ATXN1: variants seen among roughly 807,000 people sequenced by gnomAD.
The protein encoded by ATXN1 is ataxin-1.
In ATXN1, 8 loss-of-function variants were observed where a neutral mutation model predicts 56.4. The observed-to-expected ratio is 0.14, with a 90% CI of 0.08 to 0.26. ATXN1 has a LOEUF of 0.26. Ranked by LOEUF, ATXN1 falls within the 10% of genes least tolerant of loss-of-function variation. ATXN1 has a pLI of 1.00. For missense variants in ATXN1, 987 were observed against 1,106.5 expected, an observed-to-expected ratio of 0.89 and a Z score of 1.53; for synonymous variants, 514 against 494.6, an observed-to-expected ratio of 1.04 and a Z score of -0.52.
Position 16,442,028 on chromosome 6 carries a change from G to C in ATXN1, c.-161+43944C>G, listed in dbSNP as rs571753711. 9.2e-5 allele frequency among the ~76,000 whole-genome samples: 14 copies of C among 152,240 alleles called. No individual in the cohort carries two copies. In the South Asian group the frequency reaches 2.9e-3, roughly 32 times the overall value. On this transcript the variant is annotated intron_variant, in intron 6 of 7. Coordinates refer to ENST00000436367, the MANE Select transcript of ATXN1 (RefSeq NM_001128164.2). ...ACTATATATTGACAGAATACTCCAT[G>C]CACCTGGAAAAACTGACCTAGGAAA...
At chr6:16,396,013 CAAAAAAAAAAAA>C (rs59358244) in intron 6 of ATXN1, among the ~76,000 whole-genome samples, 14 of 42,240 alleles carry the variant, frequency 3.3e-4, no homozygotes, top group East Asian at 2.0e-3. Flanking sequence ...GACTCCGTCT[CAAAAAAAAAAAA>C]AAAAAAAAAA....
intron 2 of ATXN1, among the ~76,000 whole-genome samples, chr6:16,736,367 T>G (rs1466453259): frequency 2.6e-5 from 4 of 152,230 alleles, no homozygotes; most frequent in African/African-American, 7.2e-5. Flanking sequence ...TTCAGTGTAT[T>G]TATTGGGCAT....
intron 6 of ATXN1, among the ~76,000 whole-genome samples, chr6:16,450,438 G>T (rs1759731748): frequency 6.6e-6 from 1 of 152,190 alleles, no homozygotes; most frequent in Non-Finnish European, 1.5e-5. Context: ...CAGTGATAAT[G>T]TAGCTCCCAT....
intron 4 of ATXN1, among the ~76,000 whole-genome samples, chr6:16,551,808 G>A (rs1332002727): frequency 6.6e-6 from 1 of 152,180 alleles, no homozygotes; most frequent in Admixed American, 6.5e-5. Flanking sequence ...GATCTCTACA[G>A]TCCCTAATGG....
At chr6:16,470,685 C>T (rs1365428634) in intron 6 of ATXN1, among the ~76,000 whole-genome samples, 1 of 152,112 alleles carries the variant, frequency 6.6e-6, no homozygotes, top group Non-Finnish European at 1.5e-5. Flanking sequence ...CCCAAAAGAT[C>T]TCCCCTGGGA....
chr6:16,397,663 A>C (rs1247343537), intron 6 of ATXN1, among the ~76,000 whole-genome samples: 2 of 152,210 alleles, frequency 1.3e-5, no homozygotes, highest in African/African-American at 4.8e-5. Context: ...TTACATGTGC[A>C]GGTACATACC....
At chr6:16,317,375 AGT>A (rs146789972) in intron 7 of ATXN1, among the ~76,000 whole-genome samples, 3,202 of 151,696 alleles carry the variant, frequency 0.021, 95 homozygotes, top group African/African-American at 0.071. Flanking sequence ...CCAAGGCTAG[AGT>A]GTAGTGGTGC....
chr6:16,683,921 C>G (rs1214587330), intron 2 of ATXN1, among the ~76,000 whole-genome samples: 8 of 152,228 alleles, frequency 5.3e-5, no homozygotes, highest in African/African-American at 1.9e-4. Context: ...GTCAGTGCCT[C>G]CAGCAGTGGC....
intron 6 of ATXN1, among the ~76,000 whole-genome samples, chr6:16,454,048 T>C (rs1032336390): frequency 9.9e-5 from 14 of 141,660 alleles, no homozygotes; most frequent in African/African-American, 3.8e-4. Context: ...GACAATCGCT[T>C]GAACCCAGGA....
chr6:16,590,748 C>T (rs1561769303), intron 3 of ATXN1, among the ~76,000 whole-genome samples: 1 of 151,912 alleles, frequency 6.6e-6, no homozygotes. Context: ...CAGCTCACTT[C>T]AGCCTCAACC....
At chr6:16,620,276 C>CAG (rs1763295878) in intron 3 of ATXN1, among the ~76,000 whole-genome samples, 1 of 151,450 alleles carries the variant, frequency 6.6e-6, no homozygotes, top group African/African-American at 2.4e-5. Flanking sequence ...CACACACACA[C>CAG]ACACACACAC....
chr6:16,365,767 G>A (rs1761905129), intron 6 of ATXN1, among the ~76,000 whole-genome samples: 1 of 152,184 alleles, frequency 6.6e-6, no homozygotes, highest in African/African-American at 2.4e-5. Context: ...CAAACAACCT[G>A]TAATGACCTC....
intron 7 of ATXN1, among the ~76,000 whole-genome samples, chr6:16,316,718 G>C (rs1760517192): frequency 6.6e-6 from 1 of 151,556 alleles, no homozygotes; most frequent in South Asian, 2.1e-4. Context: ...TTGCACCCCA[G>C]CCCAGGTGAC....
chr6:16,385,287 A>G (rs1451466262), intron 6 of ATXN1, among the ~76,000 whole-genome samples: 1 of 152,170 alleles, frequency 6.6e-6, no homozygotes, highest in Non-Finnish European at 1.5e-5. Flanking sequence ...ACATTTTTTG[A>G]TTAAAAATGT....
intron 6 of ATXN1, among the ~76,000 whole-genome samples, chr6:16,344,229 G>T (rs1321790759): frequency 6.6e-6 from 1 of 152,136 alleles, no homozygotes; most frequent in East Asian, 1.9e-4. Flanking sequence ...CCGTTTCCTC[G>T]ACTATCCTCC....
chr6:16,711,539 C>CATATATATACACAT (rs1314328173), intron 2 of ATXN1, among the ~76,000 whole-genome samples: 2 of 151,066 alleles, frequency 1.3e-5, no homozygotes, highest in African/African-American at 4.9e-5. Context: ...TATATATACA[C>CATATATATACACAT]ATATATATAC....
chr6:16,519,496 T>C (rs1761246440), intron 5 of ATXN1, among the ~76,000 whole-genome samples: 1 of 152,214 alleles, frequency 6.6e-6, no homozygotes. Context: ...CATTTCTCTG[T>C]GCAGTCCTAC....
chr6:16,478,137 T>G (rs568090984), intron 6 of ATXN1, among the ~76,000 whole-genome samples: 2 of 152,296 alleles, frequency 1.3e-5, no homozygotes, highest in South Asian at 4.1e-4. Flanking sequence ...AGATACTGAT[T>G]GGCAGCTAAT....
chr6:16,512,863 C>G (rs770407075), intron 5 of ATXN1, among the ~76,000 whole-genome samples: 25 of 152,186 alleles, frequency 1.6e-4, no homozygotes, highest in Admixed American at 1.0e-3. Flanking sequence ...CCAGAAATGA[C>G]AACAAGCAGC....
Sources: allele counts gnomAD v4.1 joint callset (sites outside exome capture counted in the v4.1 genomes callset), GRCh38; gene constraint gnomAD v4.1.1; transcripts MANE v1.5; gene names NCBI Gene and HGNC (gene_info 2026-07-23, HGNC 2026-07-21).